Variants in SEC61A2 observed in about 807,000 individuals in gnomAD.
SEC61A2 encodes protein transport protein Sec61 subunit alpha isoform 2.
A neutral mutation model predicts 59.9 loss-of-function variants in SEC61A2; 28 were observed. The observed-to-expected ratio is 0.47, with a 90% confidence interval of 0.35 to 0.64. SEC61A2 has a LOEUF of 0.64. Ranked by LOEUF, SEC61A2 falls within the 30% of genes least tolerant of loss-of-function variation. SEC61A2 has a pLI of 0.01. For missense variants in SEC61A2, 340 were observed against 585.9 expected (o/e 0.58, Z 4.33); for synonymous variants, 202 against 214.4 (o/e 0.94, Z 0.50).
chr10:12,165,251 G>A lies in SEC61A2; in HGVS notation c.*797G>A, dbSNP rs2131687622. 1 of 985,420 alleles carries A rather than the reference G, an allele frequency of 1.0e-6. No individual in the cohort carries two copies. Among genetic ancestry groups the A allele is most frequent in the African/African-American group, 1.7e-5 (1 of 57,350 alleles). The allele number at this position is 985,420 out of a possible 1,614,324, so 61.0% of individuals were successfully genotyped here. On this transcript the variant is annotated 3_prime_UTR_variant, in exon 12 of 12. Transcript: ENST00000298428. ...ATCTAATTCTCAAGCAATGTCTGTA[G>A]TTCAGTGGGGGTGAACAATGAATAT...
chr10:12,141,646 C>A (rs776511433), intron 3 of SEC61A2, among the ~76,000 whole-genome samples: 12 of 152,206 alleles, frequency 7.9e-5, no homozygotes, highest in Non-Finnish European at 1.5e-4. Flanking sequence ...AAAGATATCT[C>A]CTCCTAGTTT....
At chr10:12,168,713 G>A (rs766644702), downstream of SEC61A2, among the ~76,000 whole-genome samples, 46 of 152,270 alleles carry the variant, frequency 3.0e-4, no homozygotes, top group Middle Eastern at 3.4e-3. This position sits in a 1 kb window ranked among gnomAD's most constrained non-coding sequence, Gnocchi z 4.8. Flanking sequence ...CACAGCAGGT[G>A]CTTGGTAACT....
At chr10:12,132,256 G>T (rs1195664471) in intron 1 of SEC61A2, among the ~76,000 whole-genome samples, 1 of 151,230 alleles carries the variant, frequency 6.6e-6, no homozygotes, top group Non-Finnish European at 1.5e-5. Flanking sequence ...AGCCGAGATG[G>T]CGGCACTGCA....
At chr10:12,169,928 A>T, downstream of SEC61A2, 1 of 558,140 alleles carries the variant, frequency 1.8e-6, no homozygotes, top group South Asian at 2.7e-5. This position sits in a 1 kb window ranked among gnomAD's most constrained non-coding sequence, Gnocchi z 4.8. Flanking sequence ...TACCTAAAAC[A>T]CTTATACCCA....
chr10:12,169,443 C>A (rs1588653304), downstream of SEC61A2: 4 of 731,568 alleles, frequency 5.5e-6, no homozygotes, highest in South Asian at 8.0e-5. This position sits in a 1 kb window ranked among gnomAD's most constrained non-coding sequence, Gnocchi z 4.8. Flanking sequence ...AGAGAGGCTA[C>A]AGAACCTGTT....
intron 4 of SEC61A2, among the ~76,000 whole-genome samples, chr10:12,147,355 T>C (rs1834164500): frequency 6.6e-6 from 1 of 152,214 alleles, no homozygotes; most frequent in Non-Finnish European, 1.5e-5. Flanking sequence ...TATTTCCTTC[T>C]AGTATTTTTG....
chr10:12,155,244 GT>G lies in SEC61A2; in HGVS notation c.463-528del. 2.6e-6 allele frequency: 3 copies of G among 1,159,430 alleles called. No individual in the cohort carries two copies. Among genetic ancestry groups the G allele is most frequent in the Non-Finnish European group, 3.4e-6 (3 of 882,580 alleles). 71.8% of individuals were successfully genotyped at this position (1,159,430 alleles called of 1,614,324 possible). A position where few individuals can be genotyped will look rare whatever the true frequency, so the allele number is the denominator to read the frequency against. Reference sequence around the variant, plus strand: ...TATTTGAGTACATATTTGTGTTCTAGTTTTTTATTCTGTACACATTTTATAG... The same window carrying G: ...TATTTGAGTACATATTTGTGTTCTAGTTTTTATTCTGTACACATTTTATAG... On this transcript the variant is annotated intron_variant, in intron 6 of 11. Coordinates refer to ENST00000298428, the MANE Select transcript of SEC61A2 (RefSeq NM_018144.4). This position sits in a 1 kb window ranked among gnomAD's most constrained non-coding sequence, Gnocchi z 4.3.
In SEC61A2 at chr10:12,136,186, A is replaced by G. The variant is rs1243325754; in HGVS notation, c.141+16A>G. 2.7e-6 allele frequency: 4 copies of G among 1,455,924 alleles called. No individual in the cohort carries two copies. The allele number at this position is 1,455,924 out of a possible 1,614,324, so 90.2% of individuals were successfully genotyped here. On this transcript the variant is annotated intron_variant, in intron 3 of 11. Coordinates refer to ENST00000298428, the MANE Select transcript of SEC61A2 (RefSeq NM_018144.4). The stretch of plus-strand genomic sequence containing the variant: ...GTGTTGTCAGGTATGTAACTATACT[A>G]TTAAATAAATGTCTGCACCATTGTT...
At chr10:12,169,181 C>A, downstream of SEC61A2, 1 of 904,282 alleles carries the variant, frequency 1.1e-6, no homozygotes, top group South Asian at 1.7e-5. The surrounding 1 kb of genome is among the most constrained non-coding windows in gnomAD (Gnocchi z 4.8). Context: ...GGTTCTTTTA[C>A]CCCTCCTCCT....
rs751769488 is a variant in SEC61A2 at position 12,146,693 on chromosome 10, AT to A, written c.221-2896del. Among the ~76,000 whole-genome samples, 25 of 150,350 alleles carry A rather than the reference AT, an allele frequency of 1.7e-4. No homozygotes were observed. The East Asian group carries it at 2.8e-3, about 17-fold the overall frequency. On this transcript the variant is annotated intron_variant, in intron 4 of 11. Transcript: ENST00000298428. ...CCACCACGCCCTGCTAATTTTTTGT[AT>A]TTTTTAGTACAGGTGGGGTTTCACC...
downstream of SEC61A2, chr10:12,167,900 CTAT>C (rs2131693610): frequency 6.4e-7 from 1 of 1,559,052 alleles, no homozygotes. Context: ...GCAGGTACTA[CTAT>C]ATGTCACTTC....
chr10:12,146,732 A>G (rs1318027928), intron 4 of SEC61A2, among the ~76,000 whole-genome samples: 1 of 151,594 alleles, frequency 6.6e-6, no homozygotes, highest in Non-Finnish European at 1.5e-5. Flanking sequence ...GTTAGCCAGG[A>G]TGGTCTTGAT....
In SEC61A2 at chr10:12,130,144, C is replaced by T. The variant is rs1463429032; in HGVS notation, c.7+350C>T. 2.6e-5 allele frequency among the ~76,000 whole-genome samples: 4 copies of T among 152,136 alleles called. No homozygotes were observed. In the East Asian group the frequency reaches 7.7e-4, roughly 29 times the overall value. On this transcript the variant is annotated intron_variant, in intron 1 of 11. Transcript: ENST00000298428. ...AAGAAATCCCGTGTTTTTATTCCCT[C>T]GTCATCTTTCCTTGGCATGTTGCAT...
At chr10:12,166,475 A>T (rs1834698087), downstream of SEC61A2, 4 of 246,494 alleles carry the variant, frequency 1.6e-5, no homozygotes, top group South Asian at 1.8e-4. Flanking sequence ...TTTTATCTTT[A>T]GGAAGTCCAG....
chr10:12,146,679 T>A lies in SEC61A2; in HGVS notation c.221-2916T>A, dbSNP rs973327791. On this transcript the variant is annotated intron_variant, in intron 4 of 11. Transcript: ENST00000298428. ...ACTACAGGTGCCCGCCACCACGCCCTGCTAATTTTTTGTATTTTTTAGTAC... is the reference window on the plus strand; with the variant it reads ...ACTACAGGTGCCCGCCACCACGCCCAGCTAATTTTTTGTATTTTTTAGTAC... Among the ~76,000 whole-genome samples the A allele has an allele frequency of 2.4e-4, 37 of 151,726 alleles. 1 individual carries two copies. Among genetic ancestry groups the A allele is most frequent in the African/African-American group, 6.8e-4 (28 of 41,374 alleles).
At chr10:12,134,832 C>T (rs564221304) in intron 2 of SEC61A2, among the ~76,000 whole-genome samples, 1 of 151,668 alleles carries the variant, frequency 6.6e-6, no homozygotes, top group African/African-American at 2.4e-5. Flanking sequence ...GCAGGAGAAT[C>T]GCTTGAACCT....
In SEC61A2 at chr10:12,162,551, C is replaced by T; in HGVS notation, c.1244+262C>T. ...TCTCAGCATTGGCTGGCTGCACATA[C>T]AATCACCAGAGAGCTTTTAAAAAGG... is the stretch of plus-strand genomic sequence containing the variant. On this transcript the variant is annotated intron_variant, in intron 11 of 11. Coordinates refer to ENST00000298428, the MANE Select transcript of SEC61A2 (RefSeq NM_018144.4). This position sits in a 1 kb window ranked among gnomAD's most constrained non-coding sequence, Gnocchi z 6.1. The T allele has an allele frequency of 1.6e-6, 1 of 607,468 alleles. No homozygotes were observed. Among genetic ancestry groups the T allele is most frequent in the Non-Finnish European group, 3.1e-6 (1 of 325,532 alleles). The allele number at this position is 607,468 out of a possible 1,614,324, so 37.6% of individuals were successfully genotyped here. A position where few individuals can be genotyped will look rare whatever the true frequency, so the allele number is the denominator to read the frequency against.
rs1488351612 is a variant in SEC61A2 at position 12,156,292 on chromosome 10, CTG to C, written c.616+363_616+364del. Among the ~76,000 whole-genome samples the C allele has an allele frequency of 6.6e-6, 1 of 152,184 alleles. No homozygotes were observed. The highest frequency in any genetic ancestry group is 1.5e-5 in the Non-Finnish European group (1 of 68,028). ...ATTTTAGATTTTTCAAATGAAAAGA[CTG>C]TTGTTCATTGAATCCACCTGGAGCA... On this transcript the variant is annotated intron_variant, in intron 7 of 11. Coordinates refer to ENST00000298428, the MANE Select transcript of SEC61A2 (RefSeq NM_018144.4). The surrounding 1 kb of genome is among the most constrained non-coding windows in gnomAD (Gnocchi z 5.2).
chr10:12,161,454 T>C lies in SEC61A2; in HGVS notation c.1167+333T>C, dbSNP rs1219986099. On this transcript the variant is annotated intron_variant, in intron 10 of 11. Coordinates refer to ENST00000298428, the MANE Select transcript of SEC61A2 (RefSeq NM_018144.4). The surrounding 1 kb of genome is among the most constrained non-coding windows in gnomAD (Gnocchi z 5.4). ...AGAGCGAGATCCTGTCTCAAAAAAA[T>C]AAAAAAGGCCAGGCGCAGTGGTTCA... is the stretch of plus-strand genomic sequence containing the variant. Among the ~76,000 whole-genome samples the C allele has an allele frequency of 6.8e-6, 1 of 147,778 alleles. No individual in the cohort carries two copies. Among genetic ancestry groups the C allele is most frequent in the Non-Finnish European group, 1.5e-5 (1 of 66,898 alleles).
Sources: allele counts gnomAD v4.1 joint callset (sites outside exome capture counted in the v4.1 genomes callset), GRCh38; gene constraint gnomAD v4.1.1; non-coding constraint Gnocchi (gnomAD v3.1); transcripts MANE v1.5; gene names NCBI Gene and HGNC (gene_info 2026-07-23, HGNC 2026-07-21).